PRKAR2A: variants seen among roughly 807,000 people sequenced by gnomAD.
The protein encoded by PRKAR2A is protein kinase cAMP-dependent type II regulatory subunit alpha, also known as cAMP-dependent protein kinase type II-alpha regulatory subunit.
A neutral mutation model predicts 51.9 loss-of-function variants in PRKAR2A; 29 were observed. The observed-to-expected ratio is 0.56, with a 90% CI of 0.42 to 0.76. The LOEUF is 0.76. Among genes scored for constraint, PRKAR2A ranks in the 30% least tolerant of loss-of-function variants. The probability of loss-of-function intolerance (pLI) is 0.00; values close to 1 mark genes in which losing one functional copy is unlikely to be tolerated. For missense variants in PRKAR2A, 445 were observed against 512.1 expected, an observed-to-expected ratio of 0.87 and a Z score of 1.26; for synonymous variants, 178 against 186.2, an observed-to-expected ratio of 0.96 and a Z score of 0.36.
At chr3:48,815,363 C>T (rs1380477294) in intron 1 of PRKAR2A, among the ~76,000 whole-genome samples, 1 of 150,846 alleles carries the variant, frequency 6.6e-6, no homozygotes, top group Non-Finnish European at 1.5e-5. Flanking sequence ...TATGACTTAG[C>T]TCATACCTGA....
Position 48,847,583 on chromosome 3 carries a change from TG to T in PRKAR2A, c.13del (p.Gln5ArgfsTer114). 1 of 1,517,532 alleles carries T rather than the reference TG, an allele frequency of 6.6e-7. No homozygotes were observed. The highest frequency in any genetic ancestry group is 8.8e-7 in the Non-Finnish European group (1 of 1,138,794). The allele number at this position is 1,517,532 out of a possible 1,614,324, so 94.0% of individuals were successfully genotyped here. A position where few individuals can be genotyped will look rare whatever the true frequency, so the allele number is the denominator to read the frequency against. On this transcript the variant is annotated frameshift_variant, in exon 1 of 11. Transcript: ENST00000265563. LOFTEE classifies it high-confidence loss of function. This position sits in a 1 kb window ranked among gnomAD's most constrained non-coding sequence, Gnocchi z 4.4. ...CAGCTCCGTGAGCCCCGGCGGGATC[TG>T]GATGTGGCTCATGCCGGCGGCGGCC... is the stretch of plus-strand genomic sequence containing the variant. MSHI[Q>X]IPPGLTELLQ...
chr3:48,845,946 TAAAA>T, intron 1 of PRKAR2A, among the ~76,000 whole-genome samples: 1 of 143,134 alleles, frequency 7.0e-6, no homozygotes, highest in Middle Eastern at 3.5e-3. Context: ...ATCCTGACTT[TAAAA>T]AAAAAAAAAG....
chr3:48,765,781 T>C (rs1173840538), intron 6 of PRKAR2A, among the ~76,000 whole-genome samples: 1 of 92,696 alleles, frequency 1.1e-5, no homozygotes, highest in Non-Finnish European at 2.3e-5. Flanking sequence ...AATAAAACAA[T>C]CATTTAATCC....
At chr3:48,834,478 T>C (rs2083247319) in intron 1 of PRKAR2A, among the ~76,000 whole-genome samples, 1 of 152,188 alleles carries the variant, frequency 6.6e-6, no homozygotes, top group African/African-American at 2.4e-5. Context: ...TTCATGACTG[T>C]AATCCCAACA....
At chr3:48,770,903 T>C (rs904219269) in intron 6 of PRKAR2A, among the ~76,000 whole-genome samples, 6 of 152,318 alleles carry the variant, frequency 3.9e-5, no homozygotes, top group South Asian at 2.1e-4. Flanking sequence ...TCAATTTTCA[T>C]TGAGACTTGG....
chr3:48,799,833 T>C (rs1448608162), intron 2 of PRKAR2A, among the ~76,000 whole-genome samples: 1 of 152,190 alleles, frequency 6.6e-6, no homozygotes, highest in Non-Finnish European at 1.5e-5. Flanking sequence ...TAAATAAAAG[T>C]TGGGCTTTTT....
chr3:48,769,446 T>A (rs1389671454), intron 6 of PRKAR2A, among the ~76,000 whole-genome samples: 1 of 151,654 alleles, frequency 6.6e-6, no homozygotes. Context: ...CGTGAGCCAC[T>A]GTGCCCGACC....
intron 1 of PRKAR2A, among the ~76,000 whole-genome samples, chr3:48,808,022 G>A (rs2082701487): frequency 6.7e-6 from 1 of 149,838 alleles, no homozygotes; most frequent in South Asian, 2.1e-4. Context: ...ATATAAAGTA[G>A]TGAAATTTTC....
rs1270371865 is a variant in PRKAR2A, at chr3:48,810,314, T to C, written c.263-2630A>G. Among the ~76,000 whole-genome samples, 8 of 152,086 alleles carry C rather than the reference T, an allele frequency of 5.3e-5. No individual in the cohort carries two copies. The East Asian group carries it at 1.5e-3, about 29-fold the overall frequency. On this transcript the variant is annotated intron_variant, in intron 1 of 10. Coordinates refer to ENST00000265563, the MANE Select transcript of PRKAR2A (RefSeq NM_004157.4). Reference sequence around the variant, plus strand: ...ATCATCCCTCAGTATCTATGGGGAATTGGTTCCGTAGACCCCCATGGATAC... The same window carrying C: ...ATCATCCCTCAGTATCTATGGGGAACTGGTTCCGTAGACCCCCATGGATAC...
chr3:48,768,024 C>T (rs2081966424), intron 6 of PRKAR2A, among the ~76,000 whole-genome samples: 1 of 151,614 alleles, frequency 6.6e-6, no homozygotes, highest in Non-Finnish European at 1.5e-5. Flanking sequence ...CAGTGGCTCA[C>T]GACTGTATTC....
At chr3:48,753,900 CTTT>C (rs11389036) in intron 9 of PRKAR2A, among the ~76,000 whole-genome samples, 9 of 136,760 alleles carry the variant, frequency 6.6e-5, no homozygotes, top group Admixed American at 2.3e-4. Context: ...CTATTGTTTT[CTTT>C]TTTTTTTTTT....
Position 48,832,163 on chromosome 3 carries a change from G to A in PRKAR2A, c.262+15172C>T, listed in dbSNP as rs568117387. Among the ~76,000 whole-genome samples the A allele has an allele frequency of 8.6e-5, 13 of 151,686 alleles. No individual in the cohort carries two copies. In the East Asian group the frequency reaches 2.0e-3, roughly 23 times the overall value. On this transcript the variant is annotated intron_variant, in intron 1 of 10. Transcript: ENST00000265563. ...ACAAAAACTAGCAGGGCGTGGTGGC[G>A]GGCGCCTGTAATCCCAGCTACTCAG... is the stretch of plus-strand genomic sequence containing the variant.
At chr3:48,840,120 A>G (rs932836799) in intron 1 of PRKAR2A, among the ~76,000 whole-genome samples, 1 of 152,038 alleles carries the variant, frequency 6.6e-6, no homozygotes, top group African/African-American at 2.4e-5. Flanking sequence ...ATCATACATT[A>G]TTTGTCCTTT....
At chr3:48,820,057 A>G (rs907798712) in intron 1 of PRKAR2A, among the ~76,000 whole-genome samples, 1 of 152,222 alleles carries the variant, frequency 6.6e-6, no homozygotes, top group Non-Finnish European at 1.5e-5. Flanking sequence ...GCTTGGAACA[A>G]GCATAGAACA....
At chr3:48,762,299 C>A (rs929737607) in intron 8 of PRKAR2A, among the ~76,000 whole-genome samples, 2 of 152,088 alleles carry the variant, frequency 1.3e-5, no homozygotes, top group Non-Finnish European at 2.9e-5. Context: ...GGTGAGAATG[C>A]AGAGAAACTG....
chr3:48,789,885 TTCTC>T (rs939449986), intron 4 of PRKAR2A, among the ~76,000 whole-genome samples: 4 of 151,844 alleles, frequency 2.6e-5, no homozygotes, highest in African/African-American at 9.7e-5. Context: ...TTCCTTTTCT[TTCTC>T]TCTTCCTTTC....
chr3:48,842,962 T>C (rs1481580750), intron 1 of PRKAR2A, among the ~76,000 whole-genome samples: 1 of 152,072 alleles, frequency 6.6e-6, no homozygotes, highest in Non-Finnish European at 1.5e-5. Flanking sequence ...TCTTTTTCCA[T>C]TGATTGGAAT....
At chr3:48,767,514 G>A (rs1418015144) in intron 6 of PRKAR2A, among the ~76,000 whole-genome samples, 3 of 151,822 alleles carry the variant, frequency 2.0e-5, no homozygotes, top group Non-Finnish European at 4.4e-5. Flanking sequence ...TTTAGGCTGT[G>A]TGTGGTGGTT....
intron 1 of PRKAR2A, among the ~76,000 whole-genome samples, chr3:48,837,501 G>C (rs1306833133): frequency 6.6e-6 from 1 of 152,192 alleles, no homozygotes; most frequent in Non-Finnish European, 1.5e-5. Flanking sequence ...CTGCTGGTTG[G>C]AATGTAAAAT....
Sources: gnomAD v4.1 joint callset for allele counts (sites outside exome capture counted in the v4.1 genomes callset) on GRCh38, gnomAD v4.1.1 for gene constraint, Gnocchi (gnomAD v3.1) non-coding constraint, MANE v1.5 for transcripts, NCBI Gene and HGNC (gene_info 2026-07-23, HGNC 2026-07-21) for gene names.